Variants in SYAP1 observed in about 807,000 individuals in gnomAD.
The protein encoded by SYAP1 is synapse associated protein 1.
A neutral mutation model predicts 29.6 loss-of-function variants in SYAP1; 3 were observed. That is an observed-to-expected ratio of 0.10 (90% CI 0.05 to 0.26). SYAP1 has a LOEUF of 0.26. Ranked by LOEUF, SYAP1 falls within the 10% of genes least tolerant of loss-of-function variation. SYAP1 has a pLI of 1.00. For synonymous variants in SYAP1, 102 were observed against 102.7 expected (o/e 0.99, Z 0.04); for missense variants, 217 against 264.1 (o/e 0.82, Z 1.24).
intron 8 of SYAP1, 141 bp downstream of exon 8, chrX:16,757,450 A>G (rs924119915): frequency 1.4e-5 from 10 of 694,534 alleles, no homozygotes; most frequent in Non-Finnish European, 2.0e-5. Flanking sequence ...GTCAGAGGCA[A>G]TGGCTCACGC....
intron 1 of SYAP1, among the ~76,000 whole-genome samples, chrX:16,733,434 G>C (rs780844316): frequency 9.0e-6 from 1 of 111,395 alleles, no homozygotes; most frequent in South Asian, 3.8e-4. Flanking sequence ...CTGTTGTGCA[G>C]AGCTCTCTTT....
rs183948130 is a variant in SYAP1, at chrX:16,748,076, T to G, written c.575+4236T>G. On this transcript the variant is annotated intron_variant, in intron 5 of 8. Transcript: ENST00000380155. The stretch of plus-strand genomic sequence containing the variant: ...CCAGCCTAGGCAACAAGAGCGAAAC[T>G]CCGTCTCAAAAAAAAAAAGAAAAGA... Among the ~76,000 whole-genome samples, 16 of 107,471 alleles carry G rather than the reference T, an allele frequency of 1.5e-4. No individual in the cohort carries two copies. The East Asian group carries it at 4.6e-3, about 31-fold the overall frequency. The allele number at this position is 107,471 out of a possible 115,157, so 93.3% of individuals were successfully genotyped here.
At chrX:16,750,128 G>T (rs1399589979) in intron 5 of SYAP1, among the ~76,000 whole-genome samples, 1 of 110,996 alleles carries the variant, frequency 9.0e-6, no homozygotes, top group Non-Finnish European at 1.9e-5. Context: ...TGGTTTGTCA[G>T]TGTCATCGTT....
chrX:16,730,263 A>G (rs111369606), intron 1 of SYAP1, among the ~76,000 whole-genome samples: 2 of 112,317 alleles, frequency 1.8e-5, no homozygotes, highest in African/African-American at 6.5e-5. Context: ...CTGAGGCAGG[A>G]GAATCGCTTG....
In SYAP1 at chrX:16,764,978, G is replaced by C. The variant is rs959975279; in HGVS notation, c.*4619G>C. The C allele has an allele frequency of 4.5e-5, 5 of 112,064 alleles. No homozygotes were observed. Among genetic ancestry groups the C allele is most frequent in the African/African-American group, 1.6e-4 (5 of 30,831 alleles). The allele number at this position is 112,064 out of a possible 1,213,427, so 9.2% of individuals were successfully genotyped here. On this transcript the variant is annotated 3_prime_UTR_variant, in exon 9 of 9. Transcript: ENST00000380155. ...TCCAAAGTGCTGGGATTACAGGCAT[G>C]ATGAGCCACTGCACCTGGCCAAAAG...
chrX:16,759,473 C>G lies in SYAP1; in HGVS notation c.932-759C>G, dbSNP rs759226501. ...TAGCAGATGCATTATCCTACACACA[C>G]AGAGGTATATTGAGTGTCTGTGTAG... On this transcript the variant is annotated intron_variant, in intron 8 of 8. Coordinates refer to ENST00000380155, the MANE Select transcript of SYAP1 (RefSeq NM_032796.4). Among the ~76,000 whole-genome samples, 10 of 111,972 alleles carry G rather than the reference C, an allele frequency of 8.9e-5. No individual in the cohort carries two copies. The South Asian group carries it at 2.2e-3, about 25-fold the overall frequency.
chrX:16,731,044 T>A (rs1301846770), intron 1 of SYAP1, among the ~76,000 whole-genome samples: 1 of 112,500 alleles, frequency 8.9e-6, no homozygotes, highest in East Asian at 2.7e-4. Flanking sequence ...TCTTTAAAAC[T>A]GTCTTTATTT....
chrX:16,719,939 G>T, intron 1 of SYAP1, 40 bp downstream of exon 1: 1 of 1,142,383 alleles, frequency 8.8e-7, no homozygotes, highest in African/African-American at 1.8e-5. Flanking sequence ...AGGGGGGGGC[G>T]CATTCCTCCT....
At chrX:16,753,957 A>AC in intron 5 of SYAP1, among the ~76,000 whole-genome samples, 1 of 109,700 alleles carries the variant, frequency 9.1e-6, no homozygotes, top group East Asian at 2.9e-4. Context: ...GTTCCAGGCC[A>AC]CCCCCCTGTG....
rs1310716601 is a variant in SYAP1 at position 16,761,506 on chromosome X, T to C, written c.*1147T>C. ...AGGACTTTATTGATTAATCCTTCTC[T>C]TTCTGCTATACCAGCAGACACATAT... is the stretch of plus-strand genomic sequence containing the variant. On this transcript the variant is annotated 3_prime_UTR_variant, in exon 9 of 9. Transcript: ENST00000380155. 9.0e-6 allele frequency: 1 copy of C among 111,540 alleles called. No homozygotes were observed. Among genetic ancestry groups the C allele is most frequent in the African/African-American group, 3.3e-5 (1 of 30,691 alleles). 9.2% of individuals were successfully genotyped at this position (111,540 alleles called of 1,213,427 possible). A position where few individuals can be genotyped will look rare whatever the true frequency, so the allele number is the denominator to read the frequency against.
chrX:16,757,057 A>G, intron 7 of SYAP1, 105 bp from the exon 8 acceptor site: 1 of 1,003,730 alleles, frequency 1.0e-6, no homozygotes, highest in South Asian at 2.2e-5. Flanking sequence ...TCGCAGAGAA[A>G]AGAAATAAAA....
In SYAP1 at chrX:16,739,282, A is replaced by G. The variant is rs186398653; in HGVS notation, c.362-2434A>G. 1.8e-3 allele frequency among the ~76,000 whole-genome samples: 194 copies of G among 110,733 alleles called. 2 individuals carry two copies. Among genetic ancestry groups the G allele is most frequent in the African/African-American group, 5.4e-3 (165 of 30,472 alleles). On this transcript the variant is annotated intron_variant, in intron 3 of 8. Coordinates refer to ENST00000380155, the MANE Select transcript of SYAP1 (RefSeq NM_032796.4). ...GAATGAAGCGTGTGCTCATCTGCCT[A>G]TCCATCCCTGTGTCCATCCACACAT...
At chrX:16,736,428 G>A (rs1463731880) in intron 3 of SYAP1, 196 bp downstream of exon 3, 5 of 372,669 alleles carry the variant, frequency 1.3e-5, no homozygotes, top group Non-Finnish European at 1.9e-5. Context: ...TTGTTTCTGG[G>A]TGAGGGCTGC....
chrX:16,756,639 G>C, intron 6 of SYAP1, 24 bp from the exon 7 acceptor site: 1 of 1,192,437 alleles, frequency 8.4e-7, no homozygotes, highest in Non-Finnish European at 1.1e-6. Context: ...AGCAATTATT[G>C]TCTCTCTTAT....
chrX:16,764,752 T>C lies in SYAP1; in HGVS notation c.*4393T>C, dbSNP rs1369338314. On this transcript the variant is annotated 3_prime_UTR_variant, in exon 9 of 9. Transcript: ENST00000380155. Reference sequence around the variant, plus strand: ...CTCTGTCACTCAGGCTAGAGTGCAGTGGTGGGATCTCAGCTCACTGCAGCC... The same window carrying C: ...CTCTGTCACTCAGGCTAGAGTGCAGCGGTGGGATCTCAGCTCACTGCAGCC... The C allele has an allele frequency of 1.9e-5, 2 of 107,710 alleles. No individual in the cohort carries two copies. The highest frequency in any genetic ancestry group is 6.8e-5 in the African/African-American group (2 of 29,374). The allele number at this position is 107,710 out of a possible 1,213,427, so 8.9% of individuals were successfully genotyped here.
intron 1 of SYAP1, among the ~76,000 whole-genome samples, chrX:16,734,849 A>T (rs891508447): frequency 2.8e-5 from 3 of 109,047 alleles, no homozygotes; most frequent in Non-Finnish European, 3.8e-5. Flanking sequence ...TACCAAAAAA[A>T]TTAGCCGGGC....
chrX:16,734,573 T>C (rs1319725434), intron 1 of SYAP1, among the ~76,000 whole-genome samples: 1 of 110,330 alleles, frequency 9.1e-6, no homozygotes, highest in African/African-American at 3.3e-5. Context: ...GGAAGAAAAG[T>C]ATAAAGGAGC....
chrX:16,740,075 C>T, intron 3 of SYAP1, among the ~76,000 whole-genome samples: 2 of 110,944 alleles, frequency 1.8e-5, no homozygotes, highest in Middle Eastern at 9.3e-3. Flanking sequence ...ACTCTAAACA[C>T]CCCCACCCCC....
At chrX:16,722,682 C>T (rs1925991649) in intron 1 of SYAP1, among the ~76,000 whole-genome samples, 1 of 111,376 alleles carries the variant, frequency 9.0e-6, no homozygotes, top group Non-Finnish European at 1.9e-5. Context: ...GACACCCAGG[C>T]CTGCATTCCA....
Sources: allele counts gnomAD v4.1 joint callset (sites outside exome capture counted in the v4.1 genomes callset), GRCh38; gene constraint gnomAD v4.1.1; transcripts MANE v1.5; gene names NCBI Gene and HGNC (gene_info 2026-07-23, HGNC 2026-07-21).